SEM1: variants seen among roughly 807,000 people sequenced by gnomAD.
SEM1 encodes the protein 26S proteasome complex subunit SEM1.
A neutral mutation model predicts 12.7 loss-of-function variants in SEM1; 3 were observed. The ratio of observed to expected loss-of-function variants is 0.24; its 90% CI spans 0.11 to 0.61. The LOEUF is 0.61. SEM1 is among the 20% of genes least tolerant of loss of function. The pLI is 0.88. For synonymous variants in SEM1, 30 were observed against 27.8 expected (o/e 1.08, Z -0.25); for missense variants, 59 against 81.3 (o/e 0.73, Z 1.06).
chr7:96,612,838 T>C (rs1807583280), intron 2 of SEM1, among the ~76,000 whole-genome samples: 1 of 152,182 alleles, frequency 6.6e-6, no homozygotes, highest in Non-Finnish European at 1.5e-5. Flanking sequence ...GGTTTCACCA[T>C]GTTAGCCAGG....
At chr7:96,664,553 T>G (rs1441747093) in intron 2 of SEM1, among the ~76,000 whole-genome samples, 1 of 152,226 alleles carries the variant, frequency 6.6e-6, no homozygotes, top group Non-Finnish European at 1.5e-5. Context: ...TTGGCCCACC[T>G]GGGTAATCCA....
chr7:96,525,626 A>G (rs1804433478), intron 2 of SEM1, among the ~76,000 whole-genome samples: 1 of 151,974 alleles, frequency 6.6e-6, no homozygotes, highest in Admixed American at 6.6e-5. Context: ...ACCTTAGTAA[A>G]ATTAAAAAGG....
intron 2 of SEM1, among the ~76,000 whole-genome samples, chr7:96,532,289 A>G (rs1272434098): frequency 7.9e-5 from 12 of 152,176 alleles, no homozygotes. Flanking sequence ...TGCCAAGGCA[A>G]TATAAAAAGA....
intron 2 of SEM1, among the ~76,000 whole-genome samples, chr7:96,666,186 A>G (rs755734592): frequency 9.9e-5 from 15 of 152,166 alleles, no homozygotes; most frequent in Non-Finnish European, 2.2e-4. Context: ...AGAAATCTTA[A>G]AAGTTTTCCC....
At chr7:96,592,386 G>A (rs1806856925) in intron 2 of SEM1, among the ~76,000 whole-genome samples, 1 of 151,994 alleles carries the variant, frequency 6.6e-6, no homozygotes, top group Admixed American at 6.6e-5. Flanking sequence ...AATTAGGTGA[G>A]TCACTTGTAT....
chr7:96,609,940 T>A (rs905334169), intron 2 of SEM1, among the ~76,000 whole-genome samples: 1 of 152,224 alleles, frequency 6.6e-6, no homozygotes, highest in Non-Finnish European at 1.5e-5. Context: ...TGTTTTAATG[T>A]AACCTCACCT....
At chr7:96,588,284 C>T (rs1806709243) in intron 2 of SEM1, among the ~76,000 whole-genome samples, 1 of 151,322 alleles carries the variant, frequency 6.6e-6, no homozygotes, top group African/African-American at 2.4e-5. Flanking sequence ...GAAGTGGAGG[C>T]TGCAATGAGC....
chr7:96,692,724 T>C (rs544523565), intron 2 of SEM1, among the ~76,000 whole-genome samples: 1 of 152,274 alleles, frequency 6.6e-6, no homozygotes, highest in South Asian at 2.1e-4. Context: ...GAACAGATGA[T>C]GTAACATTAA....
intron 3 of SEM1, among the ~76,000 whole-genome samples, chr7:96,502,116 A>T (rs916219329): frequency 6.6e-6 from 1 of 152,042 alleles, no homozygotes; most frequent in African/African-American, 2.4e-5. Flanking sequence ...TATTTTCTTT[A>T]TCCAGTCCTA....
At chr7:96,549,203 A>G (rs1021912983) in intron 2 of SEM1, among the ~76,000 whole-genome samples, 11 of 152,184 alleles carry the variant, frequency 7.2e-5, no homozygotes. Flanking sequence ...AGAGTGACCA[A>G]ATCTTTCTAG....
At chr7:96,484,643 T>C (rs1454620253) in intron 3 of SEM1, among the ~76,000 whole-genome samples, 3 of 152,066 alleles carry the variant, frequency 2.0e-5, no homozygotes, top group Non-Finnish European at 2.9e-5. Context: ...TGGCCACAAG[T>C]AGATACAGAA....
At chr7:96,646,074 T>C in intron 2 of SEM1, 1 of 394,472 alleles carries the variant, frequency 2.5e-6, no homozygotes, top group Non-Finnish European at 4.5e-6. Flanking sequence ...CCTTTGAGAG[T>C]ACCTCTTTCC....
At chr7:96,692,886 C>A (rs1210514404) in intron 2 of SEM1, among the ~76,000 whole-genome samples, 2 of 151,956 alleles carry the variant, frequency 1.3e-5, no homozygotes, top group East Asian at 3.9e-4. Flanking sequence ...AATCTCAAGG[C>A]TCTGGATAAT....
chr7:96,684,718 G>T (rs1789712860), downstream of SEM1, among the ~76,000 whole-genome samples: 1 of 152,030 alleles, frequency 6.6e-6, no homozygotes, highest in African/African-American at 2.4e-5. Context: ...GTTTGAGAAG[G>T]ATAATGAAGG....
intron 1 of SEM1, among the ~76,000 whole-genome samples, chr7:96,487,134 A>G (rs1170154221): frequency 1.4e-5 from 2 of 140,228 alleles, no homozygotes; most frequent in Non-Finnish European, 2.9e-5. Context: ...GACTAGGGAG[A>G]GACCAGTAAG....
chr7:96,696,685 ATAAAAAG>A (rs1790109302), intron 1 of SEM1: 1 of 152,032 alleles, frequency 6.6e-6, no homozygotes, highest in Non-Finnish European at 1.5e-5. Context: ...ACTATATTAC[ATAAAAAG>A]CTTATGTGAT....
At chr7:96,693,030 GA>G (rs1293630955) in intron 2 of SEM1, among the ~76,000 whole-genome samples, 1 of 151,496 alleles carries the variant, frequency 6.6e-6, no homozygotes, top group Non-Finnish European at 1.5e-5. Flanking sequence ...CTAAAAATGA[GA>G]AAAAAAGTAG....
intron 2 of SEM1, among the ~76,000 whole-genome samples, chr7:96,682,755 ATGTT>A (rs1789652645): frequency 6.6e-6 from 1 of 151,978 alleles, no homozygotes; most frequent in South Asian, 2.1e-4. Context: ...ATGGGAGAAA[ATGTT>A]TGCAATCTGT....
intron 2 of SEM1, among the ~76,000 whole-genome samples, chr7:96,544,458 T>A (rs1805047036): frequency 6.6e-6 from 1 of 152,032 alleles, no homozygotes; most frequent in Admixed American, 6.6e-5. Context: ...AAATAACATA[T>A]CTTTGTTTTC....
Sources: allele counts gnomAD v4.1 joint callset (sites outside exome capture counted in the v4.1 genomes callset), GRCh38; gene constraint gnomAD v4.1.1; transcripts MANE v1.5; gene names NCBI Gene and HGNC (gene_info 2026-07-23, HGNC 2026-07-21).